The following MME variants were observed in gnomAD, a reference collection of about 807,000 sequenced individuals.
MME encodes the protein neprilysin.
Under a neutral mutation model 113.2 loss-of-function variants are expected in MME, and 98 were observed. The ratio of observed to expected loss-of-function variants is 0.87; its 90% CI spans 0.74 to 1.02. MME has a LOEUF of 1.02. Among genes scored for constraint, MME ranks in the 50% least tolerant of loss-of-function variants. The pLI is 0.00. For synonymous variants in MME, 292 were observed against 300.6 expected (o/e 0.97, Z 0.30); for missense variants, 836 against 896.0 (o/e 0.93, Z 0.86).
intron 16 of MME, among the ~76,000 whole-genome samples, chr3:155,153,157 G>T (rs1009752346): frequency 2.0e-5 from 3 of 151,842 alleles, no homozygotes; most frequent in African/African-American, 7.3e-5. Flanking sequence ...CTCCCGAGTA[G>T]CTGGAATTAC....
chr3:155,062,263 G>T (rs951813503), intron 1 of MME, among the ~76,000 whole-genome samples: 7 of 152,008 alleles, frequency 4.6e-5, no homozygotes, highest in Non-Finnish European at 1.0e-4. Context: ...TTTTCTATCT[G>T]CAAGAATACC....
At chr3:155,104,656 A>G (rs1717541753) in intron 3 of MME, among the ~76,000 whole-genome samples, 1 of 152,236 alleles carries the variant, frequency 6.6e-6, no homozygotes. Flanking sequence ...AACAGAAGGA[A>G]CATGGGTGTG....
chr3:155,039,877 T>C (rs1713251437), intron 1 of MME, among the ~76,000 whole-genome samples: 2 of 152,176 alleles, frequency 1.3e-5, no homozygotes, highest in African/African-American at 4.8e-5. Flanking sequence ...TTTTGATGTG[T>C]GTACACATTT....
At chr3:155,144,507 A>G (rs1404719613) in intron 14 of MME, 50 bp downstream of exon 14, 7 of 1,194,618 alleles carry the variant, frequency 5.9e-6, no homozygotes, top group Non-Finnish European at 8.6e-6. Flanking sequence ...CTAGTATAGG[A>G]AAAATTAACT....
At chr3:155,056,863 T>A (rs1037599269) in intron 1 of MME, among the ~76,000 whole-genome samples, 3 of 152,194 alleles carry the variant, frequency 2.0e-5, no homozygotes, top group African/African-American at 7.2e-5. Context: ...CCCTATTTAA[T>A]AAATGGTGTT....
chr3:155,110,949 TA>T (rs1344777054), intron 3 of MME, among the ~76,000 whole-genome samples: 2 of 152,230 alleles, frequency 1.3e-5, no homozygotes, highest in African/African-American at 4.8e-5. Flanking sequence ...CATTATTTTT[TA>T]TATCTGCTTA....
intron 1 of MME, among the ~76,000 whole-genome samples, chr3:155,052,658 AT>A (rs1174730152): frequency 6.6e-6 from 1 of 152,040 alleles, no homozygotes; most frequent in Non-Finnish European, 1.5e-5. Context: ...CCACAAAACC[AT>A]TTTTTCCTCC....
chr3:155,079,028 G>A (rs1714886663), upstream of MME, among the ~76,000 whole-genome samples: 1 of 152,012 alleles, frequency 6.6e-6, no homozygotes, highest in Non-Finnish European at 1.5e-5. Flanking sequence ...CTCAACCTCC[G>A]ATGTACACAC....
At chr3:155,127,667 A>G (rs1719799244) in intron 8 of MME, among the ~76,000 whole-genome samples, 1 of 152,230 alleles carries the variant, frequency 6.6e-6, no homozygotes, top group African/African-American at 2.4e-5. Context: ...TCTAGGGAAT[A>G]CTGTATTTGT....
At chr3:155,042,916 A>ATG (rs1553749775) in intron 1 of MME, among the ~76,000 whole-genome samples, 2 of 47,086 alleles carry the variant, frequency 4.2e-5, no homozygotes, top group East Asian at 7.2e-4. Context: ...ATATATATAT[A>ATG]TATATATATA....
At chr3:155,148,995 C>T (rs1721729423) in intron 16 of MME, among the ~76,000 whole-genome samples, 1 of 152,058 alleles carries the variant, frequency 6.6e-6, no homozygotes, top group African/African-American at 2.4e-5. Context: ...TTCTCTTAGG[C>T]CTTACTCTGT....
chr3:155,141,223 T>C (rs2108310353), intron 10 of MME, among the ~76,000 whole-genome samples: 1 of 152,310 alleles, frequency 6.6e-6, no homozygotes, highest in East Asian at 1.9e-4. Context: ...ACATAGAATT[T>C]TTTAATATAA....
chr3:155,105,556 C>T (rs1326346522), intron 3 of MME, among the ~76,000 whole-genome samples: 1 of 152,044 alleles, frequency 6.6e-6, no homozygotes, highest in Non-Finnish European at 1.5e-5. Context: ...TAAAGCAGTT[C>T]TAAGGAAGAA....
In MME at chr3:155,045,454, A is replaced by C. The variant is rs373404938; in HGVS notation, c.-11+21130A>C. ...TGAGCCACCACGCCTGGCCTATAAAAATACTTTTAAGTATTTTTAAGTATA... is the reference window on the plus strand; with the variant it reads ...TGAGCCACCACGCCTGGCCTATAAACATACTTTTAAGTATTTTTAAGTATA... On this transcript the variant is annotated intron_variant, in intron 1 of 22. Transcript: ENST00000492661. Among the ~76,000 whole-genome samples the C allele has an allele frequency of 2.0e-5, 3 of 152,012 alleles. No individual in the cohort carries two copies. The East Asian group carries it at 5.8e-4, about 29-fold the overall frequency.
intron 17 of MME, 108 bp from the exon 18 acceptor site, chr3:155,166,794 G>A: frequency 7.2e-7 from 1 of 1,388,210 alleles, no homozygotes; most frequent in Non-Finnish European, 1.0e-6. Context: ...ATGGTGGCAT[G>A]CGCCTGTAGT....
intron 8 of MME, among the ~76,000 whole-genome samples, chr3:155,119,250 A>G (rs894058658): frequency 3.9e-5 from 6 of 152,244 alleles, no homozygotes; most frequent in African/African-American, 1.2e-4. Flanking sequence ...CTATGCAGGT[A>G]GTGACATTGG....
At chr3:155,050,671 T>A (rs1324426608) in intron 1 of MME, among the ~76,000 whole-genome samples, 1 of 152,224 alleles carries the variant, frequency 6.6e-6, no homozygotes, top group Non-Finnish European at 1.5e-5. Context: ...CACTTTTTAA[T>A]GGGGTTGTTT....
At chr3:155,168,371 C>G in intron 18 of MME, 121 bp from the exon 19 acceptor site, 1 of 897,678 alleles carries the variant, frequency 1.1e-6, no homozygotes, top group Non-Finnish European at 1.8e-6. Context: ...TCTCTCTCAT[C>G]GTCTGCCTAA....
At chr3:155,054,090 T>C (rs934463402) in intron 1 of MME, among the ~76,000 whole-genome samples, 1 of 152,194 alleles carries the variant, frequency 6.6e-6, no homozygotes, top group Non-Finnish European at 1.5e-5. Flanking sequence ...TAAATTTATG[T>C]TGTTGTGTTA....
Sources: allele counts gnomAD v4.1 joint callset (sites outside exome capture counted in the v4.1 genomes callset), GRCh38; gene constraint gnomAD v4.1.1; transcripts MANE v1.5; gene names NCBI Gene and HGNC (gene_info 2026-07-23, HGNC 2026-07-21).